Variants in ANXA8 observed in about 807,000 individuals in gnomAD.
The protein encoded by ANXA8 is VAC-beta.
Under a neutral mutation model 26.8 loss-of-function variants are expected in ANXA8, and 9 were observed. The ratio of observed to expected loss-of-function variants is 0.34; its 90% CI spans 0.20 to 0.59. The LOEUF is 0.59. Among genes scored for constraint, ANXA8 ranks in the 20% least tolerant of loss-of-function variants. The pLI, the probability that ANXA8 is intolerant of heterozygous loss-of-function variation, is 0.84. For synonymous variants in ANXA8, 39 were observed against 94.8 expected, an observed-to-expected ratio of 0.41 and a Z score of 3.42; for missense variants, 83 against 238.5, an observed-to-expected ratio of 0.35 and a Z score of 4.29.
At chr10:47,474,881 G>T in intron 7 of ANXA8, 64 bp downstream of exon 7, 1 of 1,520,344 alleles carries the variant, frequency 6.6e-7, no homozygotes, top group Non-Finnish European at 8.9e-7. Flanking sequence ...GCCCCCGTGG[G>T]CAGAGGAGCC....
chr10:47,656,335 C>G, the ANXA8 span, among the ~76,000 whole-genome samples: 1 of 151,184 alleles, frequency 6.6e-6, no homozygotes, highest in African/African-American at 2.5e-5. Context: ...GAAGTTGAGG[C>G]TGCAGTGAGC....
At chr10:47,502,974 G>C in the ANXA8 span, 3 of 1,564,062 alleles carry the variant, frequency 1.9e-6, 1 homozygote, top group Middle Eastern at 1.8e-4. Context: ...GCTTGGGGCT[G>C]GTGGTGCTGG....
At chr10:47,727,077 T>C in the ANXA8 span, 2 of 778,998 alleles carry the variant, frequency 2.6e-6, no homozygotes, top group African/African-American at 3.5e-5. Flanking sequence ...AACAGAAGGA[T>C]AATTTAGCTT....
At chr10:47,762,361 T>C in the ANXA8 span, among the ~76,000 whole-genome samples, 1 of 140,040 alleles carries the variant, frequency 7.1e-6, no homozygotes, top group Non-Finnish European at 1.6e-5. Context: ...AAAAGGTGCC[T>C]CCCTTAGGGT....
the ANXA8 span, chr10:47,753,294 C>T: frequency 3.6e-5 from 15 of 412,164 alleles, no homozygotes; most frequent in Middle Eastern, 1.3e-3. Flanking sequence ...AGCTTGAGTG[C>T]AACTTCTGGG....
chr10:47,691,275 T>G, the ANXA8 span: 8 of 1,209,118 alleles, frequency 6.6e-6, no homozygotes, highest in Non-Finnish European at 9.1e-6. Flanking sequence ...TAAAGCTAAG[T>G]TTTGTTTGTT....
At chr10:47,675,751 A>G in the ANXA8 span, among the ~76,000 whole-genome samples, 3 of 151,856 alleles carry the variant, frequency 2.0e-5, no homozygotes, top group African/African-American at 7.3e-5. Context: ...ATGTGACCAA[A>G]GGTCAAGAGA....
the ANXA8 span, among the ~76,000 whole-genome samples, chr10:47,966,627 C>T: frequency 2.4e-3 from 359 of 148,042 alleles, no homozygotes; most frequent in African/African-American, 8.5e-3. Context: ...CCAAGTGGGA[C>T]ATGTCCAGTG....
chr10:47,493,253 GA>G, the ANXA8 span, among the ~76,000 whole-genome samples: 1 of 150,162 alleles, frequency 6.7e-6, no homozygotes, highest in African/African-American at 2.5e-5. Context: ...AAGGGGCTGT[GA>G]AAGTCGGGGG....
the ANXA8 span, among the ~76,000 whole-genome samples, chr10:47,733,291 CTTTCTTT>C: frequency 9.7e-4 from 63 of 65,242 alleles, 7 homozygotes; most frequent in Middle Eastern, 7.9e-3. Context: ...TTCTTTCTTT[CTTTCTTT>C]TTTTTCTTTC....
chr10:47,699,944 C>T, the ANXA8 span, among the ~76,000 whole-genome samples: 1 of 151,720 alleles, frequency 6.6e-6, no homozygotes, highest in Non-Finnish European at 1.5e-5. Context: ...GTTCAAAATA[C>T]AGTTAACAAG....
At chr10:47,696,374 A>C in the ANXA8 span, 1 of 1,099,838 alleles carries the variant, frequency 9.1e-7, no homozygotes, top group East Asian at 3.7e-5. Context: ...AATTTATGGC[A>C]TGATCAGAAT....
At chr10:47,535,158 G>A in the ANXA8 span, among the ~76,000 whole-genome samples, 1 of 131,614 alleles carries the variant, frequency 7.6e-6, no homozygotes, top group African/African-American at 3.3e-5. Context: ...ATTTTTAGTA[G>A]AGACAGGGTT....
At chr10:47,734,011 C>T in the ANXA8 span, among the ~76,000 whole-genome samples, 5 of 151,228 alleles carry the variant, frequency 3.3e-5, no homozygotes, top group Non-Finnish European at 5.9e-5. Context: ...ACACAAGCCA[C>T]TCTGGGTATT....
chr10:47,991,759 C>T, the ANXA8 span: 6 of 1,609,734 alleles, frequency 3.7e-6, no homozygotes, highest in Non-Finnish European at 4.2e-6. Flanking sequence ...TTGGCCTCTG[C>T]TGGGACTCCA....
chr10:47,699,340 T>C, the ANXA8 span, among the ~76,000 whole-genome samples: 2 of 103,222 alleles, frequency 1.9e-5, no homozygotes, highest in East Asian at 6.1e-4. Flanking sequence ...CGAGATTCTG[T>C]CTCCAAAAAA....
At chr10:47,685,608 G>A in the ANXA8 span, among the ~76,000 whole-genome samples, 69 of 151,772 alleles carry the variant, frequency 4.5e-4, 1 homozygote, top group East Asian at 3.7e-3. Context: ...AGATTGGCTC[G>A]GTATAGATAT....
At chr10:47,695,701 C>G in the ANXA8 span, among the ~76,000 whole-genome samples, 11 of 151,732 alleles carry the variant, frequency 7.2e-5, no homozygotes, top group Non-Finnish European at 1.2e-4. Context: ...ACGTTTATAC[C>G]TCTGACACTG....
the ANXA8 span, among the ~76,000 whole-genome samples, chr10:47,953,581 C>T: frequency 2.0e-5 from 3 of 150,498 alleles, no homozygotes; most frequent in Non-Finnish European, 4.4e-5. Flanking sequence ...TAAAAAGCTG[C>T]ACAGCAAAGG....
Sources: allele counts gnomAD v4.1 joint callset (sites outside exome capture counted in the v4.1 genomes callset), GRCh38; gene constraint gnomAD v4.1.1; transcripts MANE v1.5; gene names NCBI Gene and HGNC (gene_info 2026-07-23, HGNC 2026-07-21).